Variants in ATP1B3 observed in about 807,000 individuals in gnomAD.
ATP1B3 encodes ATPase Na+/K+ transporting subunit beta 3.
A neutral mutation model predicts 30.2 loss-of-function variants in ATP1B3; 10 were observed. The observed-to-expected ratio is 0.33, with a 90% CI of 0.20 to 0.56. The LOEUF (loss-of-function observed/expected upper bound fraction) is 0.56. Among genes scored for constraint, ATP1B3 ranks in the 20% least tolerant of loss-of-function variants. The pLI, the probability that ATP1B3 is intolerant of heterozygous loss-of-function variation, is 0.90. For synonymous variants in ATP1B3, 113 were observed against 117.0 expected, an observed-to-expected ratio of 0.97 and a Z score of 0.22; for missense variants, 238 against 336.7, an observed-to-expected ratio of 0.71 and a Z score of 2.29.
chr3:141,907,181 C>T lies in ATP1B3; in HGVS notation c.253C>T (p.Pro85Ser). The T allele has an allele frequency of 6.2e-7, 1 of 1,608,698 alleles. No individual in the cohort carries two copies. The highest frequency in any genetic ancestry group is 8.5e-7 in the Non-Finnish European group (1 of 1,177,532). ...QIPSPGLMVF[P>S]KPVTALEYTF... The stretch of plus-strand genomic sequence containing the variant: ...TGTCTTTATAGGACTCATGGTTTTT[C>T]CAAAACCAGTGACCGCATTGGAATA... The change falls in exon 3 of 7, where the codon CCA becomes TCA. Residue 85 changes from proline to serine, a missense_variant. Transcript: ENST00000286371.
intron 6 of ATP1B3, among the ~76,000 whole-genome samples, chr3:141,923,996 C>T (rs1039353917): frequency 6.6e-6 from 1 of 152,166 alleles, no homozygotes; most frequent in East Asian, 1.9e-4. Flanking sequence ...GAGGTTTCTA[C>T]AATATACTTT....
intron 1 of ATP1B3, chr3:141,877,507 G>A (rs1335349725): frequency 6.6e-6 from 1 of 152,266 alleles, no homozygotes; most frequent in East Asian, 1.9e-4. Flanking sequence ...AATCACAGAA[G>A]TACATTGTAC....
chr3:141,880,332 AT>A (rs374309894), intron 1 of ATP1B3, among the ~76,000 whole-genome samples: 1 of 152,298 alleles, frequency 6.6e-6, no homozygotes, highest in East Asian at 1.9e-4. Context: ...AAGTTACTTC[AT>A]GTGATTTTCA....
chr3:141,889,750 A>AAAAAT (rs1553743802), intron 1 of ATP1B3, among the ~76,000 whole-genome samples: 4 of 79,116 alleles, frequency 5.1e-5, no homozygotes, highest in African/African-American at 1.9e-4. Context: ...AAAAAAAAAA[A>AAAAAT]ATATATACAC....
At chr3:141,924,752 C>T (rs937705297) in intron 6 of ATP1B3, among the ~76,000 whole-genome samples, 3 of 151,856 alleles carry the variant, frequency 2.0e-5, no homozygotes, top group Admixed American at 6.6e-5. Flanking sequence ...GTCAGGAGAT[C>T]GAGACTATCC....
At chr3:141,894,440 G>C (rs1045370164) in intron 1 of ATP1B3, among the ~76,000 whole-genome samples, 2 of 151,996 alleles carry the variant, frequency 1.3e-5, no homozygotes, top group African/African-American at 4.8e-5. Flanking sequence ...TTGCAGGTGT[G>C]AGCCTTCATA....
intron 1 of ATP1B3, among the ~76,000 whole-genome samples, chr3:141,884,274 CT>C (rs1933789676): frequency 6.6e-6 from 1 of 152,192 alleles, no homozygotes; most frequent in South Asian, 2.1e-4. Context: ...TAAGATATGA[CT>C]TTGGAAGTGA....
chr3:141,880,525 A>G (rs1299423819), intron 1 of ATP1B3, among the ~76,000 whole-genome samples: 1 of 152,198 alleles, frequency 6.6e-6, no homozygotes, highest in Non-Finnish European at 1.5e-5. Flanking sequence ...ATTGAATACA[A>G]TTAGAGTCAA....
At chr3:141,923,792 C>T (rs548408803) in intron 6 of ATP1B3, among the ~76,000 whole-genome samples, 10 of 152,242 alleles carry the variant, frequency 6.6e-5, no homozygotes, top group East Asian at 5.8e-4. Flanking sequence ...AAAATAAGTA[C>T]GGGCCTTTTA....
chr3:141,886,113 C>T (rs1933828150), intron 1 of ATP1B3, among the ~76,000 whole-genome samples: 1 of 152,190 alleles, frequency 6.6e-6, no homozygotes, highest in Non-Finnish European at 1.5e-5. Flanking sequence ...GTCCCTACTG[C>T]TTCCAGAAAG....
intron 1 of ATP1B3, among the ~76,000 whole-genome samples, chr3:141,888,369 A>G (rs1300913192): frequency 3.9e-5 from 6 of 152,252 alleles, no homozygotes; most frequent in African/African-American, 1.4e-4. Context: ...GTATATAAAC[A>G]TGTTTCTGTA....
At chr3:141,924,968 A>G (rs1559875615) in intron 6 of ATP1B3, among the ~76,000 whole-genome samples, 2 of 151,676 alleles carry the variant, frequency 1.3e-5, no homozygotes, top group South Asian at 4.2e-4. Context: ...AAAATTAATA[A>G]TAATAATGAT....
intron 1 of ATP1B3, among the ~76,000 whole-genome samples, chr3:141,897,240 CTACCT>C (rs1380285902): frequency 6.6e-6 from 1 of 152,224 alleles, no homozygotes; most frequent in Non-Finnish European, 1.5e-5. Flanking sequence ...GGTGAGCCAA[CTACCT>C]TATTTCTGGG....
intron 1 of ATP1B3, among the ~76,000 whole-genome samples, chr3:141,888,934 G>A (rs1202588346): frequency 1.3e-5 from 2 of 151,948 alleles, no homozygotes; most frequent in Admixed American, 1.3e-4. Flanking sequence ...TCCAGTCTCT[G>A]ATAAGTCTTT....
At chr3:141,919,567 A>G (rs908952277) in intron 5 of ATP1B3, among the ~76,000 whole-genome samples, 2 of 152,202 alleles carry the variant, frequency 1.3e-5, no homozygotes, top group Non-Finnish European at 2.9e-5. Context: ...AAATGCATTA[A>G]TTTTTAAACT....
At chr3:141,897,906 C>A (rs1399333972) in intron 1 of ATP1B3, among the ~76,000 whole-genome samples, 1 of 152,156 alleles carries the variant, frequency 6.6e-6, no homozygotes, top group Non-Finnish European at 1.5e-5. Context: ...GACTGGTTTT[C>A]ACCATGTTGG....
At chr3:141,902,009 C>G in intron 1 of ATP1B3, 1 of 632,700 alleles carries the variant, frequency 1.6e-6, no homozygotes, top group Non-Finnish European at 2.5e-6. Context: ...CCTGCAGACA[C>G]CTAGATCTCA....
At chr3:141,882,421 T>C (rs1933744618) in intron 1 of ATP1B3, among the ~76,000 whole-genome samples, 1 of 152,212 alleles carries the variant, frequency 6.6e-6, no homozygotes, top group Admixed American at 6.5e-5. Context: ...GAATGGTCTT[T>C]ATTCCTCTGC....
At chr3:141,917,555 A>G (rs1048524076) in intron 5 of ATP1B3, among the ~76,000 whole-genome samples, 6 of 151,854 alleles carry the variant, frequency 4.0e-5, no homozygotes, top group African/African-American at 1.2e-4. Context: ...TTAGCTGGGC[A>G]TGGTGGCACG....
Sources: allele counts gnomAD v4.1 joint callset (sites outside exome capture counted in the v4.1 genomes callset), GRCh38; gene constraint gnomAD v4.1.1; transcripts MANE v1.5; gene names NCBI Gene and HGNC (gene_info 2026-07-23, HGNC 2026-07-21).